The following SNX29 variants were observed in gnomAD, a reference collection of about 807,000 sequenced individuals.
SNX29 encodes the protein sorting nexin-29.
In SNX29, 78 loss-of-function variants were observed where a neutral mutation model predicts 102.1. That is an observed-to-expected ratio of 0.76 (90% confidence interval 0.64 to 0.92). The LOEUF (loss-of-function observed/expected upper bound fraction) is 0.92, where lower values mean the gene tolerates loss of function less well. Among genes scored for constraint, SNX29 ranks in the 40% least tolerant of loss-of-function variants. SNX29 has a pLI of 0.00. For missense variants in SNX29, 1,280 were observed against 1,061.7 expected, an observed-to-expected ratio of 1.21 and a Z score of -2.86; for synonymous variants, 580 against 414.5, an observed-to-expected ratio of 1.40 and a Z score of -4.85.
intron 15 of SNX29, among the ~76,000 whole-genome samples, chr16:12,330,742 C>T (rs1285620783): frequency 6.6e-6 from 1 of 152,152 alleles, no homozygotes; most frequent in East Asian, 1.9e-4. Flanking sequence ...CATCCTTGCT[C>T]CCAGAAAATC....
intron 20 of SNX29, among the ~76,000 whole-genome samples, chr16:12,543,022 C>T (rs1229105135): frequency 1.3e-5 from 2 of 152,174 alleles, no homozygotes; most frequent in African/African-American, 4.8e-5. Context: ...TCAGGAATGG[C>T]TGGATCCAGA....
intron 18 of SNX29, among the ~76,000 whole-genome samples, chr16:12,422,195 C>T (rs1232063238): frequency 6.6e-6 from 1 of 152,220 alleles, no homozygotes; most frequent in East Asian, 1.9e-4. Flanking sequence ...TTGCAGCTTC[C>T]TCTGCCACTC....
chr16:12,333,364 C>CA (rs201501213), intron 15 of SNX29, among the ~76,000 whole-genome samples: 1,613 of 152,102 alleles, frequency 0.011, 22 homozygotes, highest in African/African-American at 0.037. Flanking sequence ...CTCGGCCTCC[C>CA]AAAGTGTTGG....
intron 15 of SNX29, among the ~76,000 whole-genome samples, chr16:12,297,787 G>T (rs1369668699): frequency 1.3e-5 from 2 of 152,136 alleles, no homozygotes; most frequent in African/African-American, 4.8e-5. Context: ...TGGCTTCCAC[G>T]TCTGGCTCCA....
chr16:12,083,068 C>T (rs1192666030), intron 11 of SNX29, among the ~76,000 whole-genome samples: 1 of 151,970 alleles, frequency 6.6e-6, no homozygotes, highest in Non-Finnish European at 1.5e-5. Context: ...CTTTGGGAGG[C>T]CGAGGTGGGG....
At chr16:12,362,545 T>C (rs117582629) in intron 16 of SNX29, among the ~76,000 whole-genome samples, 6,825 of 112,982 alleles carry the variant, frequency 0.06, 572 homozygotes, top group African/African-American at 0.16. Context: ...GGATTTTGGC[T>C]GCTGCACTCC....
At chr16:12,432,471 C>G (rs572186731) in intron 18 of SNX29, among the ~76,000 whole-genome samples, 2 of 152,206 alleles carry the variant, frequency 1.3e-5, no homozygotes, top group Non-Finnish European at 2.9e-5. Context: ...GAAGACACAT[C>G]TTCTGGAGAA....
chr16:12,528,108 A>T (rs1401800634), intron 20 of SNX29, among the ~76,000 whole-genome samples: 1 of 152,020 alleles, frequency 6.6e-6, no homozygotes, highest in Non-Finnish European at 1.5e-5. Flanking sequence ...TACAGGTGTG[A>T]GCCACCGCAC....
chr16:12,267,759 C>G (rs1008595615), intron 14 of SNX29, among the ~76,000 whole-genome samples: 1 of 152,204 alleles, frequency 6.6e-6, no homozygotes, highest in Non-Finnish European at 1.5e-5. Context: ...TGTTTACTCC[C>G]TGGCTTCTAC....
chr16:12,349,964 C>G (rs1021481739), intron 15 of SNX29, among the ~76,000 whole-genome samples: 6 of 152,200 alleles, frequency 3.9e-5, no homozygotes, highest in African/African-American at 1.4e-4. Flanking sequence ...AACCCTGAAG[C>G]TCCTGTTTCA....
At chr16:12,541,420 C>G (rs1223519791) in intron 20 of SNX29, among the ~76,000 whole-genome samples, 1 of 152,144 alleles carries the variant, frequency 6.6e-6, no homozygotes, top group Non-Finnish European at 1.5e-5. Flanking sequence ...AACTGAGGCT[C>G]ATGGAAGGTC....
At chr16:12,034,362 AGC>A (rs2057417971) in intron 4 of SNX29, among the ~76,000 whole-genome samples, 1 of 152,198 alleles carries the variant, frequency 6.6e-6, no homozygotes, top group Non-Finnish European at 1.5e-5. Context: ...CGTGCCAATC[AGC>A]TGCTTTTGGT....
intron 14 of SNX29, among the ~76,000 whole-genome samples, chr16:12,242,717 A>G (rs112136434): frequency 0.042 from 6,376 of 151,168 alleles, 480 homozygotes; most frequent in African/African-American, 0.15. Flanking sequence ...ACAATGACGC[A>G]ATCACAGCTC....
At chr16:12,280,758 C>T (rs1323617558) in intron 15 of SNX29, among the ~76,000 whole-genome samples, 1 of 152,142 alleles carries the variant, frequency 6.6e-6, no homozygotes, top group African/African-American at 2.4e-5. Context: ...TCAGAACGTT[C>T]TTTGTGATGC....
chr16:12,367,364 A>G (rs1423571662), intron 16 of SNX29: 1 of 152,298 alleles, frequency 6.6e-6, no homozygotes, highest in Non-Finnish European at 1.5e-5. Context: ...ACGTTCGATT[A>G]TCCAGAAAGC....
intron 11 of SNX29, among the ~76,000 whole-genome samples, chr16:12,109,515 G>A (rs373226498): frequency 1.3e-5 from 2 of 152,058 alleles, no homozygotes; most frequent in African/African-American, 4.8e-5. Context: ...GTGAGTTTTC[G>A]AGGGGACAAA....
intron 4 of SNX29, chr16:12,029,504 G>A: frequency 2.2e-6 from 1 of 453,500 alleles, no homozygotes; most frequent in Non-Finnish European, 4.4e-6. Flanking sequence ...ATGGAGAAAT[G>A]AATTATTTTC....
intron 16 of SNX29, among the ~76,000 whole-genome samples, chr16:12,366,314 T>C (rs1285084604): frequency 2.0e-5 from 3 of 152,200 alleles, no homozygotes; most frequent in Non-Finnish European, 4.4e-5. Flanking sequence ...TTGCAGTCAT[T>C]ATGTTCCAGA....
intron 15 of SNX29, among the ~76,000 whole-genome samples, chr16:12,279,489 G>C (rs2079363458): frequency 1.3e-5 from 2 of 152,240 alleles, no homozygotes; most frequent in African/African-American, 2.4e-5. Flanking sequence ...GGGCACTCCT[G>C]TGTGCTCTCT....
Sources: allele counts gnomAD v4.1 joint callset (sites outside exome capture counted in the v4.1 genomes callset), GRCh38; gene constraint gnomAD v4.1.1; transcripts MANE v1.5; gene names NCBI Gene and HGNC (gene_info 2026-07-23, HGNC 2026-07-21).